The following EIF3A variants were observed in gnomAD, a reference collection of about 807,000 sequenced individuals.
EIF3A encodes the protein EIF3, p180 subunit.
Under a neutral mutation model 186.6 loss-of-function variants are expected in EIF3A, and 21 were observed. That is an observed-to-expected ratio of 0.11 (90% CI 0.08 to 0.16). The LOEUF (loss-of-function observed/expected upper bound fraction) is 0.16. EIF3A is among the 10% of genes least tolerant of loss of function. The probability of loss-of-function intolerance (pLI) is 1.00; values close to 1 mark genes in which losing one functional copy is unlikely to be tolerated. For synonymous variants in EIF3A, 563 were observed against 584.3 expected (o/e 0.96, Z 0.52); for missense variants, 1,306 against 1,796.3 (o/e 0.73, Z 4.93).
rs998258681 is a variant in EIF3A at position 119,041,975 on chromosome 10, C to T, written c.3526+19G>A. ...TTACAGGTGAACACTTAAGCATATTCTAGGAAATAGAATTTTACCTGGCTT... is the reference window on the plus strand; with the variant it reads ...TTACAGGTGAACACTTAAGCATATTTTAGGAAATAGAATTTTACCTGGCTT... On this transcript the variant is annotated intron_variant, in intron 19 of 21. Transcript: ENST00000369144. 1 of 1,610,812 alleles carries T rather than the reference C, an allele frequency of 6.2e-7. No individual in the cohort carries two copies. The highest frequency in any genetic ancestry group is 8.5e-7 in the Non-Finnish European group (1 of 1,177,818).
In EIF3A at chr10:119,036,284, A is replaced by T. The variant is rs75955170; in HGVS notation, c.3920-16T>A. The T allele has an allele frequency of 1.5e-5, 13 of 855,354 alleles. No homozygotes were observed. Among genetic ancestry groups the T allele is most frequent in the Middle Eastern group, 2.7e-4 (1 of 3,666 alleles). The allele number at this position is 855,354 out of a possible 1,614,324, so 53.0% of individuals were successfully genotyped here. A position where few individuals can be genotyped will look rare whatever the true frequency, so the allele number is the denominator to read the frequency against. ...CAAGAACTTACTAAAAAGTTTAATT[A>T]AAAAAAAAAAATTAAGTTAGTACTA... On this transcript the variant is annotated splice_polypyrimidine_tract_variant and intron_variant, in intron 21 of 21. Coordinates refer to ENST00000369144, the MANE Select transcript of EIF3A (RefSeq NM_003750.4).
At chr10:119,059,812 T>C (rs764125315) in intron 9 of EIF3A, 94 bp from the exon 10 acceptor site, 56 of 842,814 alleles carry the variant, frequency 6.6e-5, no homozygotes, top group Admixed American at 2.3e-4. Context: ...GTAGAAATTA[T>C]GCCAGAGAAT....
chr10:119,038,199 C>A, intron 20 of EIF3A, 39 bp downstream of exon 20: 1 of 1,560,276 alleles, frequency 6.4e-7, no homozygotes, highest in Non-Finnish European at 8.7e-7. Context: ...TGAGCCACTG[C>A]GCCCGGCCTC....
chr10:119,070,039 G>A lies in EIF3A; in HGVS notation c.742-385C>T, dbSNP rs181237792. On this transcript the variant is annotated intron_variant, in intron 5 of 21. Transcript: ENST00000369144. ...ATGGATTTTTTTCTATAATGGGCAT[G>A]TTTACTTATCTTCTACAGGTAGTAT... is the stretch of plus-strand genomic sequence containing the variant. Among the ~76,000 whole-genome samples the A allele has an allele frequency of 1.8e-3, 269 of 152,102 alleles. 2 individuals carry two copies. The highest frequency in any genetic ancestry group is 6.2e-3 in the African/African-American group (256 of 41,398).
chr10:119,080,458 G>A, intron 1 of EIF3A, 170 bp downstream of exon 1: 1 of 985,364 alleles, frequency 1.0e-6, no homozygotes, highest in Non-Finnish European at 1.2e-6. Flanking sequence ...AGTCGATAGA[G>A]TGAGAAGGAA....
In EIF3A at chr10:119,035,989, A is replaced by C; in HGVS notation, c.*50T>G. The C allele has an allele frequency of 7.3e-7, 1 of 1,366,224 alleles. No individual in the cohort carries two copies. The highest frequency in any genetic ancestry group is 1.2e-5 in the South Asian group (1 of 85,798). The allele number at this position is 1,366,224 out of a possible 1,614,324, so 84.6% of individuals were successfully genotyped here. ...GAAGCACAAGTATAATAATCCTTGA[A>C]TGTGATCAAACCTATTTAAGACACC... is the stretch of plus-strand genomic sequence containing the variant. On this transcript the variant is annotated 3_prime_UTR_variant, in exon 22 of 22. Transcript: ENST00000369144.
intron 17 of EIF3A, among the ~76,000 whole-genome samples, chr10:119,045,178 C>T (rs143433092): frequency 0.01 from 1,569 of 152,160 alleles, 23 homozygotes; most frequent in African/African-American, 0.036. Flanking sequence ...CTCCTGACCT[C>T]AACTGATCCA....
At chr10:119,065,897 A>T (rs947821380) in intron 6 of EIF3A, among the ~76,000 whole-genome samples, 1 of 151,952 alleles carries the variant, frequency 6.6e-6, no homozygotes, top group Non-Finnish European at 1.5e-5. Context: ...GGGGCACATC[A>T]CGACGTCAAG....
At chr10:119,073,683 GT>G in intron 2 of EIF3A, 63 bp downstream of exon 2, 1 of 1,559,470 alleles carries the variant, frequency 6.4e-7, no homozygotes, top group Non-Finnish European at 8.7e-7. Flanking sequence ...ACTTCGAAAG[GT>G]AAGTTCTTCG....
chr10:119,073,452 T>G lies in EIF3A; in HGVS notation c.366A>C (p.Gln122His). 1 of 1,606,396 alleles carries G rather than the reference T, an allele frequency of 6.2e-7. No individual in the cohort carries two copies. Among genetic ancestry groups the G allele is most frequent in the Non-Finnish European group, 8.5e-7 (1 of 1,174,394 alleles). Residue 122 changes from glutamine (Q) to histidine (H), a missense_variant, in exon 3 of 22, where the codon CAA becomes CAC. This residue lies in a region of EIF3A where 130 missense variants were observed against 259.3 expected (regional missense o/e 0.50). Coordinates refer to ENST00000369144, the MANE Select transcript of EIF3A (RefSeq NM_003750.4). ...VLDIEDLDNI[Q>H]TPESVLLSAV... ...TCTAACCCACATACCTCTCAGGAGTTTGAATATTATCTAGATCCTCTATAT... is the reference window on the plus strand; with the variant it reads ...TCTAACCCACATACCTCTCAGGAGTGTGAATATTATCTAGATCCTCTATAT...
intron 1 of EIF3A, among the ~76,000 whole-genome samples, chr10:119,075,854 C>T (rs538107568): frequency 7.0e-5 from 10 of 142,324 alleles, no homozygotes; most frequent in Non-Finnish European, 1.1e-4. Flanking sequence ...GCTGGGACTA[C>T]GGAGCTCGCC....
intron 4 of EIF3A, among the ~76,000 whole-genome samples, chr10:119,072,054 A>G (rs955189687): frequency 7.6e-6 from 1 of 130,918 alleles, no homozygotes; most frequent in South Asian, 2.2e-4. Context: ...AAAGAAAGAA[A>G]AAAAGAAAGA....
chr10:119,043,524 G>A (rs940139476), intron 18 of EIF3A, among the ~76,000 whole-genome samples: 2 of 151,162 alleles, frequency 1.3e-5, no homozygotes, highest in African/African-American at 2.4e-5. Flanking sequence ...TGAGGCAGGA[G>A]GATCACCTAA....
At chr10:119,074,505 G>C (rs1289957812) in intron 1 of EIF3A, among the ~76,000 whole-genome samples, 3 of 151,974 alleles carry the variant, frequency 2.0e-5, no homozygotes, top group Non-Finnish European at 4.4e-5. Flanking sequence ...GTCGGTATTG[G>C]TTCATTAGTT....
At chr10:119,045,738 A>AT (rs1323352254) in intron 17 of EIF3A, among the ~76,000 whole-genome samples, 1 of 152,222 alleles carries the variant, frequency 6.6e-6, no homozygotes, top group East Asian at 1.9e-4. Context: ...TCATTTTTGT[A>AT]TTTTTTGTGG....
At chr10:119,049,574 G>A (rs1329260221) in intron 17 of EIF3A, among the ~76,000 whole-genome samples, 1 of 149,800 alleles carries the variant, frequency 6.7e-6, no homozygotes, top group Non-Finnish European at 1.5e-5. Flanking sequence ...AGAGAACTGG[G>A]TGATAAAAAT....
intron 6 of EIF3A, among the ~76,000 whole-genome samples, chr10:119,067,845 C>CTA (rs1318303223): frequency 6.6e-6 from 1 of 151,618 alleles, no homozygotes. Flanking sequence ...GAGTCTTGCT[C>CTA]TATCGTCCAG....
At position 119,042,940 on chromosome 10, in the gene EIF3A, G is replaced by A. The variant is rs1185122456; in HGVS notation, c.2748-168C>T. ...AGCAGAGGCAGGCAGATCACCTGAG[G>A]TCAGGAGTTCAAGACCAGCCTGGCC... On this transcript the variant is annotated intron_variant, in intron 18 of 21. Transcript: ENST00000369144. The surrounding 1 kb of genome is among the most constrained non-coding windows in gnomAD (Gnocchi z 7.8). Among the ~76,000 whole-genome samples, 4 of 152,142 alleles carry A rather than the reference G, an allele frequency of 2.6e-5. No individual in the cohort carries two copies. Among genetic ancestry groups the A allele is most frequent in the Non-Finnish European group, 4.4e-5 (3 of 68,028 alleles).
At position 119,059,654 on chromosome 10, in the gene EIF3A, G is replaced by A. The variant is rs1354629287; in HGVS notation, c.1391C>T (p.Ala464Val). The A allele has an allele frequency of 3.1e-6, 5 of 1,614,154 alleles. No individual in the cohort carries two copies. In the South Asian group the frequency reaches 4.4e-5, roughly 14 times the overall value. The change falls in exon 10 of 22, where the codon GCT becomes GTT. Residue 464 changes from alanine to valine, a missense_variant. Transcript: ENST00000369144. ...RLTSLVPFVDAFQLERAIVDA... is the reference protein window; with the variant it reads ...RLTSLVPFVDVFQLERAIVDA... ...TACTATGGCCCGTTCCAGTTGGAAA[G>A]CATCAACAAAAGGAACCAAAGAAGT... is the stretch of plus-strand genomic sequence containing the variant.
Sources: gnomAD v4.1 joint callset for allele counts (sites outside exome capture counted in the v4.1 genomes callset) on GRCh38, gnomAD v4.1.1 for gene constraint, gnomAD v4.1.1 regional missense constraint, Gnocchi (gnomAD v3.1) non-coding constraint, MANE v1.5 for transcripts, NCBI Gene and HGNC (gene_info 2026-07-23, HGNC 2026-07-21) for gene names.